Variants in GREB1 observed in about 807,000 individuals in gnomAD.
GREB1 encodes the protein protein GREB1.
GREB1 carries 106 observed loss-of-function variants against 200.7 expected under a neutral mutation model. That is an observed-to-expected ratio of 0.53 (90% CI 0.45 to 0.62). The LOEUF (loss-of-function observed/expected upper bound fraction) is 0.62, where lower values mean the gene tolerates loss of function less well. Ranked by LOEUF, GREB1 falls within the 20% of genes least tolerant of loss-of-function variation. The pLI, the probability that GREB1 is intolerant of heterozygous loss-of-function variation, is 0.00. For synonymous variants in GREB1, 1,132 were observed against 1,092.4 expected, an observed-to-expected ratio of 1.04 and a Z score of -0.72; for missense variants, 2,243 against 2,556.8, an observed-to-expected ratio of 0.88 and a Z score of 2.65.
At chr2:11,588,952 G>C in intron 10 of GREB1, 21 bp downstream of exon 10, 1 of 1,606,136 alleles carries the variant, frequency 6.2e-7, no homozygotes, top group South Asian at 1.1e-5. Flanking sequence ...TCCACCTCCT[G>C]GCCCAGTGGC....
intron 1 of GREB1, among the ~76,000 whole-genome samples, chr2:11,546,209 G>A (rs1572645474): frequency 6.6e-6 from 1 of 151,818 alleles, no homozygotes. Flanking sequence ...TAACAAAGAT[G>A]TGAAGACAAA....
chr2:11,510,733 A>G (rs1363288717), intron 1 of GREB1, among the ~76,000 whole-genome samples: 5 of 141,444 alleles, frequency 3.5e-5, no homozygotes, highest in Non-Finnish European at 7.5e-5. Context: ...CTTGTCACCC[A>G]GGCTGGAATG....
At chr2:11,578,628 C>T (rs1292078852) in intron 6 of GREB1, among the ~76,000 whole-genome samples, 197 bp downstream of exon 6, 2 of 152,210 alleles carry the variant, frequency 1.3e-5, no homozygotes, top group Non-Finnish European at 2.9e-5. Context: ...TTGGGAGTTT[C>T]TTTCTTCCTG....
At chr2:11,639,521 C>T (rs1407763041) in intron 32 of GREB1, among the ~76,000 whole-genome samples, 1 of 152,234 alleles carries the variant, frequency 6.6e-6, no homozygotes, top group Non-Finnish European at 1.5e-5. Context: ...GCCAGTCTTC[C>T]TCCTGTCTGC....
intron 1 of GREB1, among the ~76,000 whole-genome samples, chr2:11,497,880 G>A (rs1173990488): frequency 6.8e-6 from 1 of 146,696 alleles, no homozygotes; most frequent in African/African-American, 2.5e-5. Context: ...CTAAGTACTA[G>A]TCCTTTGTTG....
chr2:11,592,689 A>AG, intron 10 of GREB1, 87 bp from the exon 11 acceptor site: 1 of 809,256 alleles, frequency 1.2e-6, no homozygotes, highest in Non-Finnish European at 1.8e-6. Flanking sequence ...GTAATAACTT[A>AG]GGTGGGTACT....
At chr2:11,507,724 G>C (rs1673223317) in intron 1 of GREB1, among the ~76,000 whole-genome samples, 1 of 152,198 alleles carries the variant, frequency 6.6e-6, no homozygotes, top group Non-Finnish European at 1.5e-5. Context: ...GCTCTGGGTG[G>C]AGCTGGTTGC....
At chr2:11,505,997 G>A (rs760436261) in intron 1 of GREB1, among the ~76,000 whole-genome samples, 1 of 152,194 alleles carries the variant, frequency 6.6e-6, no homozygotes, top group Non-Finnish European at 1.5e-5. Context: ...CAGAGAGGCA[G>A]AGCAATTTAC....
intron 26 of GREB1, 90 bp from the exon 27 acceptor site, chr2:11,631,819 T>C: frequency 1.0e-6 from 1 of 989,102 alleles, no homozygotes. Flanking sequence ...TCATCATTCT[T>C]TGACGGAAAA....
At chr2:11,550,979 C>T (rs1459248787) in intron 1 of GREB1, among the ~76,000 whole-genome samples, 1 of 152,208 alleles carries the variant, frequency 6.6e-6, no homozygotes, top group East Asian at 1.9e-4. Context: ...AACTTCAACT[C>T]AACCTAAAAA....
At chr2:11,490,212 A>T (rs902107531) in intron 1 of GREB1, among the ~76,000 whole-genome samples, 2 of 152,054 alleles carry the variant, frequency 1.3e-5, no homozygotes, top group African/African-American at 4.8e-5. Context: ...CACTGCCCAC[A>T]TCCTCCTCTC....
At chr2:11,608,952 C>T (rs1011818174) in intron 17 of GREB1, among the ~76,000 whole-genome samples, 5 of 152,320 alleles carry the variant, frequency 3.3e-5, no homozygotes, top group Middle Eastern at 3.4e-3. Flanking sequence ...GGGAGACCAC[C>T]GAGCTTTGGC....
At chr2:11,587,498 A>G (rs1680242836) in intron 9 of GREB1, 1 of 1,598,914 alleles carries the variant, frequency 6.3e-7, no homozygotes, top group Non-Finnish European at 8.5e-7. Flanking sequence ...ATCAGGCCCC[A>G]CTTCTGCATC....
At chr2:11,519,126 C>T (rs1673617030) in intron 1 of GREB1, among the ~76,000 whole-genome samples, 1 of 151,794 alleles carries the variant, frequency 6.6e-6, no homozygotes, top group African/African-American at 2.4e-5. Context: ...GGAAAAATCC[C>T]CTCGAAAGTC....
At chr2:11,538,759 TCTTCCTTC>T (rs750757872) in intron 1 of GREB1, among the ~76,000 whole-genome samples, 2 of 53,748 alleles carry the variant, frequency 3.7e-5, no homozygotes, top group Non-Finnish European at 4.0e-5. Context: ...TTCCTTCCTT[TCTTCCTTC>T]CTTCCTTCCC....
chr2:11,611,807 G>GAC (rs762544592), intron 18 of GREB1, among the ~76,000 whole-genome samples: 18 of 152,180 alleles, frequency 1.2e-4, no homozygotes, highest in Non-Finnish European at 2.6e-4. Flanking sequence ...ATCTGCAGGT[G>GAC]ACAGAAAATG....
Position 11,633,433 on chromosome 2 carries a change from G to A in GREB1, c.4991+370G>A, listed in dbSNP as rs956604858. ...AAAAAATTTAGCTGGGCGTGGTGGCGGGCGCCTGTAGTCCCAGCTACTTGG... is the reference window on the plus strand; with the variant it reads ...AAAAAATTTAGCTGGGCGTGGTGGCAGGCGCCTGTAGTCCCAGCTACTTGG... On this transcript the variant is annotated intron_variant, in intron 28 of 32. Coordinates refer to ENST00000381486, the MANE Select transcript of GREB1 (RefSeq NM_014668.4). This position sits in a 1 kb window ranked among gnomAD's most constrained non-coding sequence, Gnocchi z 4.1. Among the ~76,000 whole-genome samples, 13 of 151,878 alleles carry A rather than the reference G, an allele frequency of 8.6e-5. No individual in the cohort carries two copies. The highest frequency in any genetic ancestry group is 2.4e-4 in the African/African-American group (10 of 41,446).
In GREB1 at chr2:11,578,386, G is replaced by A. The variant is rs200471651; in HGVS notation, c.727G>A (p.Val243Ile). The change falls in exon 6 of 33, where the codon GTT becomes ATT. Residue 243 changes from valine (V) to isoleucine (I), a missense_variant. Val to Ile is a conservative substitution (Grantham distance 29, BLOSUM62 3). Coordinates refer to ENST00000381486, the MANE Select transcript of GREB1 (RefSeq NM_014668.4). ...ESTAAFPSEP[V>I]PGTNPSILMG... The stretch of plus-strand genomic sequence containing the variant: ...CACGGCTGCCTTCCCCAGCGAGCCC[G>A]TTCCTGGGACGAACCCCAGCATCCT... 8.7e-5 allele frequency: 140 copies of A among 1,613,846 alleles called. No individual in the cohort carries two copies. Among genetic ancestry groups the A allele is most frequent in the Non-Finnish European group, 1.1e-4 (126 of 1,180,014 alleles).
At chr2:11,621,138 T>C (rs1333131933) in intron 23 of GREB1, 131 bp downstream of exon 23, 1 of 647,580 alleles carries the variant, frequency 1.5e-6, no homozygotes. Context: ...AAGGACCTTG[T>C]AGGGGGTGCT....
Sources: allele counts gnomAD v4.1 joint callset (sites outside exome capture counted in the v4.1 genomes callset), GRCh38; gene constraint gnomAD v4.1.1; non-coding constraint Gnocchi (gnomAD v3.1); transcripts MANE v1.5; gene names NCBI Gene and HGNC (gene_info 2026-07-23, HGNC 2026-07-21).